RTN4IP1: variants seen among roughly 807,000 people sequenced by gnomAD.
RTN4IP1 encodes reticulon 4 interacting protein 1.
RTN4IP1 carries 32 observed loss-of-function variants against 46.6 expected under a neutral mutation model. The observed-to-expected ratio is 0.69, with a 90% CI of 0.52 to 0.92. The LOEUF (loss-of-function observed/expected upper bound fraction) is 0.92, where lower values mean the gene tolerates loss of function less well. RTN4IP1 is among the 40% of genes least tolerant of loss of function. The pLI, the probability that RTN4IP1 is intolerant of heterozygous loss-of-function variation, is 0.00. For missense variants in RTN4IP1, 424 were observed against 485.8 expected (o/e 0.87, Z 1.20); for synonymous variants, 167 against 161.8 (o/e 1.03, Z -0.24).
At position 106,629,354 on chromosome 6, in the gene RTN4IP1, C is replaced by T; in HGVS notation, c.-333G>A. ...GGTGCGCAAACCCCCTAGATCCCTG[C>T]CCTGTCCTGGGAGCCCTCGGCGGGA... On this transcript the variant is annotated 5_prime_UTR_variant, in exon 1 of 9. Coordinates refer to ENST00000369063, the MANE Select transcript of RTN4IP1 (RefSeq NM_032730.5). The T allele has an allele frequency of 1.8e-6, 1 of 558,554 alleles. No individual in the cohort carries two copies. The allele number at this position is 558,554 out of a possible 1,614,324, so 34.6% of individuals were successfully genotyped here.
chr6:106,617,541 G>A (rs567864932), intron 4 of RTN4IP1, among the ~76,000 whole-genome samples: 4 of 152,306 alleles, frequency 2.6e-5, no homozygotes, highest in African/African-American at 7.2e-5. Flanking sequence ...CACCTGGTTA[G>A]TTAATGGCAG....
chr6:106,621,214 C>G (rs1460905501), intron 3 of RTN4IP1, among the ~76,000 whole-genome samples: 4 of 152,188 alleles, frequency 2.6e-5, no homozygotes, highest in Admixed American at 1.3e-4. Flanking sequence ...AATCCCTGCT[C>G]TATGAGAGAA....
At chr6:106,598,266 G>A (rs1485195429) in intron 5 of RTN4IP1, among the ~76,000 whole-genome samples, 10 of 152,118 alleles carry the variant, frequency 6.6e-5, no homozygotes, top group South Asian at 2.1e-4. Context: ...CTGAGGAATC[G>A]CCACACTGAC....
chr6:106,590,783 G>T (rs12214557), intron 6 of RTN4IP1, among the ~76,000 whole-genome samples: 1 of 149,504 alleles, frequency 6.7e-6, no homozygotes, highest in Non-Finnish European at 1.5e-5. Flanking sequence ...AGATCTCAGA[G>T]ACCTGTCATG....
chr6:106,621,591 G>T, intron 2 of RTN4IP1, 98 bp from the exon 3 acceptor site: 1 of 903,560 alleles, frequency 1.1e-6, no homozygotes, highest in South Asian at 1.4e-5. Context: ...CCTGTGCTGT[G>T]AAAAACACAG....
intron 5 of RTN4IP1, among the ~76,000 whole-genome samples, chr6:106,600,219 CAG>C (rs1775907852): frequency 6.6e-6 from 1 of 152,008 alleles, no homozygotes; most frequent in Admixed American, 6.5e-5. Context: ...AGTAATGTGG[CAG>C]AGCCTCTGAG....
chr6:106,619,699 C>T (rs941070324), intron 3 of RTN4IP1, among the ~76,000 whole-genome samples: 1 of 150,654 alleles, frequency 6.6e-6, no homozygotes, highest in Admixed American at 6.6e-5. Flanking sequence ...GCAAGCTCCG[C>T]CTCCCGGGTT....
chr6:106,626,390 T>C (rs1265992394), intron 1 of RTN4IP1, among the ~76,000 whole-genome samples: 1 of 152,214 alleles, frequency 6.6e-6, no homozygotes, highest in Non-Finnish European at 1.5e-5. Flanking sequence ...ACAAAAGTCA[T>C]GTGCTTCACT....
At chr6:106,604,499 C>T (rs1175341625) in intron 4 of RTN4IP1, among the ~76,000 whole-genome samples, 6 of 152,118 alleles carry the variant, frequency 3.9e-5, no homozygotes, top group South Asian at 2.1e-4. Flanking sequence ...CTCACCATCC[C>T]GGCCACGGTC....
At chr6:106,622,473 T>C (rs1032676216) in intron 2 of RTN4IP1, among the ~76,000 whole-genome samples, 1 of 152,150 alleles carries the variant, frequency 6.6e-6, no homozygotes, top group African/African-American at 2.4e-5. Flanking sequence ...AACTAGGGAA[T>C]GTGGGGGAGT....
In RTN4IP1 at chr6:106,587,813, G is replaced by A. The variant is rs200159265; in HGVS notation, c.856C>T (p.Pro286Ser). 13 of 1,613,698 alleles carry A rather than the reference G, an allele frequency of 8.1e-6. No homozygotes were observed. The highest frequency in any genetic ancestry group is 1.7e-5 in the Admixed American group (1 of 59,980). ...NVGGSTETWA[P>S]DFLKKWSGAT... The stretch of plus-strand genomic sequence containing the variant: ...CCTGACCATTTCTTGAGAAAATCTG[G>A]AGCCCATGTTTCAGTGGATCCGCCA... Residue 286 changes from proline to serine, a missense_variant, in exon 7 of 9, where the codon CCA (proline) becomes TCA (serine). Pro to Ser is a moderately conservative substitution (Grantham distance 74, BLOSUM62 -1). Coordinates refer to ENST00000369063, the MANE Select transcript of RTN4IP1 (RefSeq NM_032730.5).
Position 106,600,774 on chromosome 6 carries a change from T to C in RTN4IP1, c.669+2100A>G, listed in dbSNP as rs375468601. 2.8e-4 allele frequency among the ~76,000 whole-genome samples: 43 copies of C among 152,264 alleles called. No individual in the cohort carries two copies. In the South Asian group the frequency reaches 8.5e-3, roughly 30 times the overall value. On this transcript the variant is annotated intron_variant, in intron 5 of 8. Transcript: ENST00000369063. The stretch of plus-strand genomic sequence containing the variant: ...ATATTTTATTCCTTTTTATGGCTGA[T>C]ATATAATATAGATATATAATATTCC...
chr6:106,578,262 G>A (rs1177226748), intron 8 of RTN4IP1, among the ~76,000 whole-genome samples: 1 of 152,200 alleles, frequency 6.6e-6, no homozygotes, highest in Admixed American at 6.5e-5. Context: ...AGGGTCAAGA[G>A]ACCTGGGCCC....
At chr6:106,591,925 A>G (rs541968998) in intron 6 of RTN4IP1, among the ~76,000 whole-genome samples, 30 of 152,340 alleles carry the variant, frequency 2.0e-4, no homozygotes, top group African/African-American at 7.2e-4. Context: ...CTTAAAAATT[A>G]GCAAAGACCA....
chr6:106,580,258 T>G (rs1213707951), intron 8 of RTN4IP1, among the ~76,000 whole-genome samples: 2 of 148,348 alleles, frequency 1.3e-5, no homozygotes, highest in African/African-American at 5.0e-5. Context: ...AAGTGACCAG[T>G]AACCAGACCT....
chr6:106,622,987 T>C lies in RTN4IP1; in HGVS notation c.275-18A>G. On this transcript the variant is annotated intron_variant, in intron 1 of 8. Coordinates refer to ENST00000369063, the MANE Select transcript of RTN4IP1 (RefSeq NM_032730.5). ...ATAACCACCTGTAAAATACAATTTA[T>C]CTGTTTCCTCCAAATGTAAGTATGA... 1.2e-6 allele frequency: 2 copies of C among 1,612,060 alleles called. No homozygotes were observed. Among genetic ancestry groups the C allele is most frequent in the Non-Finnish European group, 1.7e-6 (2 of 1,178,446 alleles).
At chr6:106,577,238 C>G (rs550218086) in intron 8 of RTN4IP1, among the ~76,000 whole-genome samples, 49 of 151,954 alleles carry the variant, frequency 3.2e-4, no homozygotes, top group Non-Finnish European at 6.3e-4. Flanking sequence ...AGTTCAAGAC[C>G]AGCTTGGGCA....
chr6:106,627,743 CTTTTTTT>C (rs759953237), intron 1 of RTN4IP1, among the ~76,000 whole-genome samples: 577 of 52,880 alleles, frequency 0.011, 2 homozygotes, highest in African/African-American at 0.033. Context: ...CATTTCAATG[CTTTTTTT>C]TTTTTTTTTT....
chr6:106,604,116 G>A (rs1482966839), intron 4 of RTN4IP1, among the ~76,000 whole-genome samples: 2 of 152,168 alleles, frequency 1.3e-5, no homozygotes, highest in African/African-American at 4.8e-5. Context: ...CCTATCTCTA[G>A]TAAGTACACC....
Sources: allele counts gnomAD v4.1 joint callset (sites outside exome capture counted in the v4.1 genomes callset), GRCh38; gene constraint gnomAD v4.1.1; transcripts MANE v1.5; gene names NCBI Gene and HGNC (gene_info 2026-07-23, HGNC 2026-07-21).